Variants in DNAH8 observed in about 807,000 individuals in gnomAD.
DNAH8 encodes the protein dynein axonemal heavy chain 8, also known as axonemal beta dynein heavy chain 8.
Under a neutral mutation model 562.1 loss-of-function variants are expected in DNAH8, and 382 were observed. That is an observed-to-expected ratio of 0.68 (90% CI 0.63 to 0.74). The LOEUF (loss-of-function observed/expected upper bound fraction) is 0.74. Ranked by LOEUF, DNAH8 falls within the 30% of genes least tolerant of loss-of-function variation. The probability of loss-of-function intolerance (pLI) is 0.00; values close to 1 mark genes in which losing one functional copy is unlikely to be tolerated. For missense variants in DNAH8, 5,203 were observed against 5,620.4 expected (o/e 0.93, Z 2.37); for synonymous variants, 1,881 against 1,919.4 (o/e 0.98, Z 0.52).
chr6:38,838,810 A>C (rs541516872), intron 33 of DNAH8, among the ~76,000 whole-genome samples: 1 of 152,380 alleles, frequency 6.6e-6, no homozygotes, highest in South Asian at 2.1e-4. Flanking sequence ...CCACACATAT[A>C]AACAAGTGTA....
intron 20 of DNAH8, 45 bp from the exon 21 acceptor site, chr6:38,791,510 A>G (rs1478444994): frequency 6.4e-7 from 1 of 1,573,308 alleles, no homozygotes; most frequent in East Asian, 2.3e-5. Flanking sequence ...ACCTAGCTCT[A>G]AAGGAAAGAA....
intron 35 of DNAH8, 38 bp from the exon 36 acceptor site, chr6:38,845,536 G>T: frequency 6.5e-7 from 1 of 1,545,648 alleles, no homozygotes; most frequent in South Asian, 1.1e-5. Flanking sequence ...ATTTGTAGTT[G>T]AAAACATCAT....
chr6:38,822,755 A>C, intron 26 of DNAH8, 83 bp from the exon 27 acceptor site: 1 of 1,085,252 alleles, frequency 9.2e-7, no homozygotes, highest in Non-Finnish European at 1.3e-6. Context: ...ATACAGTTTG[A>C]AAAAGAATCA....
Position 38,734,521 on chromosome 6 carries a change from A to G in DNAH8, c.658A>G (p.Lys220Glu). Residue 220 changes from lysine to glutamate, a missense_variant, in exon 5 of 93, where the codon AAA (lysine) becomes GAA (glutamate). This residue lies in a region of DNAH8 where 556 missense variants were observed against 496.9 expected (regional missense o/e 1.12). Transcript: ENST00000327475. ...AGATKGAKMMKLYIDNAAPDK... is the reference protein window; with the variant it reads ...AGATKGAKMMELYIDNAAPDK... The stretch of plus-strand genomic sequence containing the variant: ...AGCAACTAAAGGGGCAAAAATGATG[A>G]AATTGTATATAGACAATGCAGCCCC... 1 of 1,613,936 alleles carries G rather than the reference A, an allele frequency of 6.2e-7. No homozygotes were observed. The highest frequency in any genetic ancestry group is 8.5e-7 in the Non-Finnish European group (1 of 1,179,972).
chr6:38,915,190 C>A lies in DNAH8; in HGVS notation c.9964-11C>A. ...TTCTATTGGCTTTCATGTGTTTCCT[C>A]AACTTAACAGGTATTAGCAGAAGTC... On this transcript the variant is annotated splice_polypyrimidine_tract_variant and intron_variant, in intron 67 of 92. Transcript: ENST00000327475. The A allele has an allele frequency of 6.4e-7, 1 of 1,573,246 alleles. No homozygotes were observed. Among genetic ancestry groups the A allele is most frequent in the South Asian group, 1.2e-5 (1 of 82,000 alleles).
At chr6:38,939,056 A>G (rs1583409989) in intron 79 of DNAH8, 68 bp downstream of exon 79, 3 of 1,247,296 alleles carry the variant, frequency 2.4e-6, no homozygotes, top group Non-Finnish European at 3.3e-6. Flanking sequence ...TTGATATACC[A>G]TAAACCCATT....
At chr6:38,716,134 G>T (rs1762326479) in intron 1 of DNAH8, among the ~76,000 whole-genome samples, 2 of 148,122 alleles carry the variant, frequency 1.4e-5, no homozygotes, top group African/African-American at 2.5e-5. Context: ...AATTTTTTTT[G>T]GTATTTTCAG....
At chr6:38,969,656 G>T (rs1438512887) in intron 82 of DNAH8, among the ~76,000 whole-genome samples, 2 of 144,266 alleles carry the variant, frequency 1.4e-5, no homozygotes, top group Non-Finnish European at 3.0e-5. Context: ...GGCTGTTATG[G>T]ATGGAGGAAA....
At chr6:38,843,948 G>A (rs557347889) in intron 35 of DNAH8, among the ~76,000 whole-genome samples, 7 of 152,156 alleles carry the variant, frequency 4.6e-5, no homozygotes, top group African/African-American at 1.7e-4. Context: ...TTGTAATAGC[G>A]GTCTCCTTCC....
intron 91 of DNAH8, among the ~76,000 whole-genome samples, chr6:39,019,200 G>A (rs866936538): frequency 2.6e-5 from 4 of 152,120 alleles, no homozygotes; most frequent in Admixed American, 2.0e-4. Flanking sequence ...GCAGGAGGAG[G>A]TGGACACAGC....
At chr6:38,874,590 G>A (rs771146214) in intron 52 of DNAH8, among the ~76,000 whole-genome samples, 42 of 151,372 alleles carry the variant, frequency 2.8e-4, no homozygotes, top group Admixed American at 1.6e-3. Context: ...GGCTGGTCTA[G>A]GCTCCTGGAC....
rs143348816 is a variant in DNAH8, at chr6:38,729,976, A to G, written c.600A>G (p.Val200=). ...AATTTTTGTACCAAGAAGGAGATGT[A>G]CCTGGTATTGGTAAGAATTTTCTGA... is the stretch of plus-strand genomic sequence containing the variant. The part of the protein sequence containing the change: ...TLKFLYQEGD[V]PGIECGRTIA... Residue 200 remains valine, a synonymous_variant, in exon 4 of 93, where the codon GTA becomes GTG. Transcript: ENST00000327475. The G allele has an allele frequency of 1.9e-6, 3 of 1,570,460 alleles. No individual in the cohort carries two copies. The highest frequency in any genetic ancestry group is 2.2e-5 in the East Asian group (1 of 44,602).
At chr6:38,782,156 C>T (rs991878394) in intron 16 of DNAH8, among the ~76,000 whole-genome samples, 1 of 152,008 alleles carries the variant, frequency 6.6e-6, no homozygotes, top group Admixed American at 6.5e-5. Flanking sequence ...TGAGTCCCTA[C>T]TCGGGGGACT....
chr6:38,787,200 A>C lies in DNAH8; in HGVS notation c.2583+248A>C, dbSNP rs118032075. Among the ~76,000 whole-genome samples the C allele has an allele frequency of 2.6e-3, 391 of 152,174 alleles. 4 individuals carry two copies. In the South Asian group the frequency reaches 0.037, roughly 14 times the overall value. ...TCTGGATAATGACTGACGAAATAGC[A>C]AGTTTCAAAAACTATTCTTAATATA... On this transcript the variant is annotated intron_variant, in intron 18 of 92. Transcript: ENST00000327475.
At chr6:38,909,386 A>G (rs977957244) in intron 64 of DNAH8, 132 bp from the exon 65 acceptor site, 53 of 732,178 alleles carry the variant, frequency 7.2e-5, no homozygotes, top group Non-Finnish European at 1.1e-4. Context: ...AAATTTATAT[A>G]TGACTGCAGC....
At chr6:38,946,199 A>C (rs1019116042) in intron 80 of DNAH8, among the ~76,000 whole-genome samples, 1 of 152,176 alleles carries the variant, frequency 6.6e-6, no homozygotes, top group Non-Finnish European at 1.5e-5. Flanking sequence ...TGGAGCCTGC[A>C]GTTTCCCAGT....
Position 38,938,909 on chromosome 6 carries a change from G to C in DNAH8, c.11928G>C (p.Leu3976=). The C allele has an allele frequency of 1.9e-6, 3 of 1,613,918 alleles. No homozygotes were observed. Among genetic ancestry groups the C allele is most frequent in the Non-Finnish European group, 2.5e-6 (3 of 1,179,868 alleles). Residue 3976 remains leucine, a synonymous_variant, in exon 79 of 93, where the codon CTG becomes CTC. Transcript: ENST00000327475. ...GCCTATACGAAAACCACAAATTCCT[G>C]TTTGTACTCCTCATGACCTTAAAGA... ...VRGLYENHKF[L]FVLLMTLKID...
intron 91 of DNAH8, 74 bp downstream of exon 91, chr6:39,012,711 A>G (rs1766302226): frequency 2.5e-6 from 3 of 1,180,606 alleles, no homozygotes; most frequent in Non-Finnish European, 3.8e-6. Flanking sequence ...TGATAAATAT[A>G]TACCATATAA....
Position 38,873,002 on chromosome 6 carries a change from C to T in DNAH8, c.7334C>T (p.Ala2445Val). ...GATGACAATAAAACTCTGACGTTAG[C>T]TAATGGAGATCGCATTCCCATGGCC... ...VLDDNKTLTL[A>V]NGDRIPMAPS... The change falls in exon 51 of 93, where the codon GCT (alanine) becomes GTT (valine). Residue 2445 changes from alanine to valine, a missense_variant. This residue lies in a region of DNAH8 where 977 missense variants were observed against 1,061.8 expected (regional missense o/e 0.92). Transcript: ENST00000327475. 1 of 1,614,132 alleles carries T rather than the reference C, an allele frequency of 6.2e-7. No individual in the cohort carries two copies. The highest frequency in any genetic ancestry group is 8.5e-7 in the Non-Finnish European group (1 of 1,180,008).
Sources: allele counts gnomAD v4.1 joint callset (sites outside exome capture counted in the v4.1 genomes callset), GRCh38; gene constraint gnomAD v4.1.1; regional missense constraint gnomAD v4.1.1; transcripts MANE v1.5; gene names NCBI Gene and HGNC (gene_info 2026-07-23, HGNC 2026-07-21).